The following URI1 variants were observed in gnomAD, a reference collection of about 807,000 sequenced individuals.
URI1 encodes URI1 prefoldin like chaperone.
In URI1, 39 loss-of-function variants were observed where a neutral mutation model predicts 60.2. The observed-to-expected ratio is 0.65, with a 90% CI of 0.50 to 0.85. The LOEUF (loss-of-function observed/expected upper bound fraction) is 0.85, where lower values mean the gene tolerates loss of function less well. Ranked by LOEUF, URI1 falls within the 40% of genes least tolerant of loss-of-function variation. The pLI, the probability that URI1 is intolerant of heterozygous loss-of-function variation, is 0.00. For synonymous variants in URI1, 251 were observed against 236.8 expected, an observed-to-expected ratio of 1.06 and a Z score of -0.55; for missense variants, 691 against 665.9, an observed-to-expected ratio of 1.04 and a Z score of -0.42.
chr19:30,010,068 T>C (rs1238425350), intron 8 of URI1, among the ~76,000 whole-genome samples: 2 of 152,150 alleles, frequency 1.3e-5, no homozygotes, highest in Non-Finnish European at 2.9e-5. Flanking sequence ...CATGTACTGC[T>C]CTAAGGGGAC....
chr19:29,942,143 T>C (rs1247641738), upstream of URI1: 1 of 918,380 alleles, frequency 1.1e-6, no homozygotes. Flanking sequence ...GCGGTTCGCA[T>C]CAAGCGCACT....
chr19:29,931,357 A>G (rs924656816), intron 1 of URI1, among the ~76,000 whole-genome samples: 6 of 152,154 alleles, frequency 3.9e-5, no homozygotes, highest in Non-Finnish European at 8.8e-5. Context: ...TTTCTCATGA[A>G]GTTTCTCTTC....
chr19:29,942,663 A>T lies in URI1; in HGVS notation c.116A>T (p.Lys39Met). The change falls in exon 1 of 11, where the codon AAG becomes ATG. Residue 39 changes from lysine to methionine, a missense_variant and splice_region_variant. Transcript: ENST00000392271. ...DVARLREEQE[K>M]VVTNCQERIQ... ...GCGCGGCTGCGCGAGGAGCAGGAAA[A>T]GGTAACTAGCAGCCCCGCGCCGCTT... 1 of 1,431,100 alleles carries T rather than the reference A, an allele frequency of 7.0e-7. No individual in the cohort carries two copies. Among genetic ancestry groups the T allele is most frequent in the Non-Finnish European group, 9.2e-7 (1 of 1,091,180 alleles). 88.7% of individuals were successfully genotyped at this position (1,431,100 alleles called of 1,614,324 possible). A position where few individuals can be genotyped will look rare whatever the true frequency, so the allele number is the denominator to read the frequency against.
Position 30,009,037 on chromosome 19 carries a change from A to G in URI1, c.719A>G (p.Asp240Gly). 1.9e-6 allele frequency: 3 copies of G among 1,613,058 alleles called. No individual in the cohort carries two copies. Among genetic ancestry groups the G allele is most frequent in the South Asian group, 2.2e-5 (2 of 90,954 alleles). Reference sequence around the variant, plus strand: ...GATACTGTGATTGCAAATGGAGAAGATACGACATCTTCTGAAGAGGAAAAG... The same window carrying G: ...GATACTGTGATTGCAAATGGAGAAGGTACGACATCTTCTGAAGAGGAAAAG... ...KPDTVIANGE[D>G]TTSSEEEKED... Residue 240 changes from aspartate to glycine, a missense_variant, in exon 8 of 11, where the codon GAT (aspartate) becomes GGT (glycine). By Grantham distance (94) the Asp-to-Gly change is moderately conservative (BLOSUM62 -1). Coordinates refer to ENST00000392271, the MANE Select transcript of URI1 (RefSeq NM_003796.3).
chr19:29,923,812 T>G (rs2054842713), intron 1 of URI1: 2 of 1,491,622 alleles, frequency 1.3e-6, no homozygotes, highest in Non-Finnish European at 1.8e-6. Context: ...GGTTTGAGGA[T>G]TTTACTTTAA....
intron 1 of URI1, among the ~76,000 whole-genome samples, chr19:29,956,013 TCG>T: frequency 6.6e-6 from 1 of 151,372 alleles, no homozygotes; most frequent in Non-Finnish European, 1.5e-5. Context: ...AGATGGAGTT[TCG>T]CTCTTGTTGC....
upstream of URI1, among the ~76,000 whole-genome samples, chr19:29,940,906 G>GCA (rs1268517978): frequency 6.6e-6 from 1 of 152,172 alleles, no homozygotes; most frequent in Non-Finnish European, 1.5e-5. Context: ...AGGTGGCTGG[G>GCA]GATGGAGAGA....
chr19:29,967,095 C>T (rs879941633), intron 1 of URI1, among the ~76,000 whole-genome samples: 15 of 152,158 alleles, frequency 9.9e-5, no homozygotes, highest in Non-Finnish European at 2.1e-4. Flanking sequence ...ATTTTAAGTA[C>T]TGGAGATCTT....
chr19:29,962,236 A>G (rs1304101395), intron 1 of URI1, among the ~76,000 whole-genome samples: 1 of 148,182 alleles, frequency 6.7e-6, no homozygotes, highest in Admixed American at 6.7e-5. Context: ...GTTCTAATTG[A>G]TGTACTTTTA....
chr19:29,961,676 T>TTTTTTTTTTTTTTTG (rs2055326729), intron 1 of URI1, among the ~76,000 whole-genome samples: 1 of 1,768 alleles, frequency 5.7e-4, no homozygotes, highest in Non-Finnish European at 3.7e-3. Flanking sequence ...TTTTTTTTTG[T>TTTTTTTTTTTTTTTG]TTTTTTTTTT....
At chr19:30,004,134 A>G (rs2055910987) in intron 4 of URI1, among the ~76,000 whole-genome samples, 1 of 152,040 alleles carries the variant, frequency 6.6e-6, no homozygotes, top group Non-Finnish European at 1.5e-5. Flanking sequence ...GCCGTGAGAA[A>G]AGGTCTAATT....
chr19:29,954,779 A>G (rs1191409964), intron 1 of URI1, among the ~76,000 whole-genome samples: 4 of 151,926 alleles, frequency 2.6e-5, no homozygotes, highest in East Asian at 3.9e-4. Flanking sequence ...CAGCCTCCCA[A>G]AGTGCTAGGA....
intron 4 of URI1, among the ~76,000 whole-genome samples, chr19:30,001,065 G>C (rs2055872188): frequency 6.6e-6 from 1 of 151,292 alleles, no homozygotes; most frequent in African/African-American, 2.4e-5. Context: ...AGGAGTATTT[G>C]TTTTTTCTTT....
At position 30,001,325 on chromosome 19, in the gene URI1, T is replaced by A. The variant is rs569181389; in HGVS notation, c.368-4036T>A. On this transcript the variant is annotated intron_variant, in intron 4 of 10. Transcript: ENST00000392271. ...AGCAAGCTGATTTATTTATTTTTTTTAAATTGAGCAATCTTTAAGTATCAG... is the reference window on the plus strand; with the variant it reads ...AGCAAGCTGATTTATTTATTTTTTTAAAATTGAGCAATCTTTAAGTATCAG... 3.3e-5 allele frequency among the ~76,000 whole-genome samples: 5 copies of A among 152,036 alleles called. No individual in the cohort carries two copies. In the East Asian group the frequency reaches 5.8e-4, roughly 18 times the overall value.
At chr19:29,943,502 TTA>T (rs1197401135) in intron 1 of URI1, among the ~76,000 whole-genome samples, 1 of 152,240 alleles carries the variant, frequency 6.6e-6, no homozygotes, top group African/African-American at 2.4e-5. Flanking sequence ...TTAAAATATT[TTA>T]TGTCATGTTT....
At chr19:29,974,554 CATCTT>C (rs965002466) in intron 2 of URI1, among the ~76,000 whole-genome samples, 4 of 152,150 alleles carry the variant, frequency 2.6e-5, no homozygotes, top group African/African-American at 7.2e-5. Flanking sequence ...TTCATTTCAA[CATCTT>C]ATCTTGCCAT....
In URI1 at chr19:29,960,618, T is replaced by C. The variant is rs533555184; in HGVS notation, c.118-10575T>C. 5.3e-5 allele frequency among the ~76,000 whole-genome samples: 8 copies of C among 152,236 alleles called. No homozygotes were observed. The East Asian group carries it at 1.5e-3, about 29-fold the overall frequency. On this transcript the variant is annotated intron_variant, in intron 1 of 10. Transcript: ENST00000392271. ...GCTAAATTTGTTTGTTTTGTCTATC[T>C]TTAAAAAAAATCTTCTTAACTTCAG...
upstream of URI1, among the ~76,000 whole-genome samples, chr19:29,940,217 A>T (rs79680687): frequency 0.082 from 12,501 of 151,764 alleles, 720 homozygotes; most frequent in East Asian, 0.22. Context: ...TGCTGACCAC[A>T]GATCGCACTT....
At chr19:29,997,869 A>G (rs975310707) in intron 4 of URI1, among the ~76,000 whole-genome samples, 1 of 151,934 alleles carries the variant, frequency 6.6e-6, no homozygotes, top group East Asian at 1.9e-4. Flanking sequence ...CGTTGAAGGG[A>G]TTCTTCTGCC....
Sources: gnomAD v4.1 joint callset for allele counts (sites outside exome capture counted in the v4.1 genomes callset) on GRCh38, gnomAD v4.1.1 for gene constraint, MANE v1.5 for transcripts, NCBI Gene and HGNC (gene_info 2026-07-23, HGNC 2026-07-21) for gene names.